The following ZNF277 variants were observed in gnomAD, a reference collection of about 807,000 sequenced individuals.
The protein encoded by ZNF277 is nuclear receptor-interacting factor 4.
A neutral mutation model predicts 60.7 loss-of-function variants in ZNF277; 55 were observed. That is an observed-to-expected ratio of 0.91 (90% CI 0.73 to 1.13). The LOEUF is 1.13. ZNF277 is among the 50% of genes most tolerant of loss of function. The pLI is 0.00. For synonymous variants in ZNF277, 178 were observed against 179.3 expected, an observed-to-expected ratio of 0.99 and a Z score of 0.06; for missense variants, 510 against 523.0, an observed-to-expected ratio of 0.98 and a Z score of 0.24.
intron 1 of ZNF277, among the ~76,000 whole-genome samples, chr7:112,272,691 A>G (rs1231949578): frequency 6.6e-6 from 1 of 152,018 alleles, no homozygotes; most frequent in Non-Finnish European, 1.5e-5. Context: ...ACGGGGTTTC[A>G]CCATGTTGGC....
At chr7:112,260,971 A>G (rs1791425552) in intron 1 of ZNF277, among the ~76,000 whole-genome samples, 2 of 152,224 alleles carry the variant, frequency 1.3e-5, no homozygotes, top group Admixed American at 1.3e-4. Context: ...AAAGCCAATC[A>G]CAGAAATGTG....
At chr7:112,226,705 C>T (rs1202636886) in intron 1 of ZNF277, among the ~76,000 whole-genome samples, 1 of 152,146 alleles carries the variant, frequency 6.6e-6, no homozygotes, top group Admixed American at 6.5e-5. Context: ...TCATTGACTT[C>T]AAGAATGTAG....
At chr7:112,290,876 G>A (rs574594622) in intron 2 of ZNF277, among the ~76,000 whole-genome samples, 1 of 152,242 alleles carries the variant, frequency 6.6e-6, no homozygotes, top group Admixed American at 6.5e-5. Context: ...GTGTAGGGTT[G>A]GGAGGAGGGA....
intron 4 of ZNF277, among the ~76,000 whole-genome samples, chr7:112,299,456 C>CT (rs1248661262): frequency 5.9e-5 from 9 of 152,140 alleles, no homozygotes; most frequent in African/African-American, 1.7e-4. Flanking sequence ...CTGAGAGGCA[C>CT]TTTCTCATCA....
chr7:112,316,222 T>C (rs1478279599), intron 4 of ZNF277, among the ~76,000 whole-genome samples: 1 of 152,080 alleles, frequency 6.6e-6, no homozygotes, highest in Non-Finnish European at 1.5e-5. Context: ...AGGTTAGATG[T>C]AGTTAGTAGA....
chr7:112,263,464 C>T (rs868097132), intron 1 of ZNF277, among the ~76,000 whole-genome samples: 1 of 152,190 alleles, frequency 6.6e-6, no homozygotes, highest in African/African-American at 2.4e-5. Context: ...AAATCAGAGA[C>T]TACATGTAAA....
rs753756411 is a variant in ZNF277 at position 112,342,786 on chromosome 7, C to T, written c.*57C>T. 46 of 1,331,596 alleles carry T rather than the reference C, an allele frequency of 3.5e-5. No individual in the cohort carries two copies. The highest frequency in any genetic ancestry group is 4.5e-5 in the Non-Finnish European group (45 of 1,008,872). The allele number at this position is 1,331,596 out of a possible 1,614,324, so 82.5% of individuals were successfully genotyped here. On this transcript the variant is annotated 3_prime_UTR_variant, in exon 12 of 12. Transcript: ENST00000361822. ...AGAAGCAATTTTTCATGTTTTTCTC[C>T]TATGAGACAGATATGAAAGAACAAT... is the stretch of plus-strand genomic sequence containing the variant.
At chr7:112,296,873 ATTTTCTTATTTTTAT>A (rs1417714614) in intron 4 of ZNF277, among the ~76,000 whole-genome samples, 1 of 99,602 alleles carries the variant, frequency 1.0e-5, no homozygotes, top group African/African-American at 3.3e-5. Context: ...ATTTTATTTT[ATTTTCTTATTTTTAT>A]TTTATTTATT....
intron 1 of ZNF277, among the ~76,000 whole-genome samples, chr7:112,275,680 A>G (rs1294375519): frequency 1.3e-5 from 2 of 152,132 alleles, no homozygotes; most frequent in Non-Finnish European, 2.9e-5. Flanking sequence ...TCTATCATGA[A>G]TTTATAATAT....
intron 10 of ZNF277, among the ~76,000 whole-genome samples, chr7:112,340,278 T>G (rs1200356001): frequency 6.6e-6 from 1 of 152,220 alleles, no homozygotes; most frequent in Non-Finnish European, 1.5e-5. Flanking sequence ...GAGTGAATAA[T>G]GTATGGTAAA....
rs1163435733 is a variant in ZNF277 at position 112,330,144 on chromosome 7, G to A, written c.729G>A (p.Met243Ile). 1 of 1,613,382 alleles carries A rather than the reference G, an allele frequency of 6.2e-7. No homozygotes were observed. Among genetic ancestry groups the A allele is most frequent in the Admixed American group, 1.7e-5 (1 of 60,006 alleles). ...ACAAAAATACACTTAAAGATCACAT[G>A]AGGAAAAAACAGCATCGTAAGATTA... ...FRDKNTLKDHMRKKQHRKINP... is the reference protein window; with the variant it reads ...FRDKNTLKDHIRKKQHRKINP... The change falls in exon 7 of 12, where the codon ATG becomes ATA. Residue 243 changes from methionine (M) to isoleucine (I), a missense_variant. By Grantham distance (10) the Met-to-Ile change is conservative (BLOSUM62 1). Coordinates refer to ENST00000361822, the MANE Select transcript of ZNF277 (RefSeq NM_021994.3).
At chr7:112,206,863 G>C in intron 1 of ZNF277, 56 bp downstream of exon 1, 1 of 1,553,978 alleles carries the variant, frequency 6.4e-7, no homozygotes, top group South Asian at 1.1e-5. Flanking sequence ...CTATGACCGG[G>C]TGTGCAACGG....
chr7:112,235,260 G>T (rs564234381), intron 1 of ZNF277, among the ~76,000 whole-genome samples: 6 of 152,174 alleles, frequency 3.9e-5, no homozygotes, highest in African/African-American at 9.6e-5. Flanking sequence ...GGGTGGACAT[G>T]TTTTCACTTC....
intron 1 of ZNF277, among the ~76,000 whole-genome samples, chr7:112,236,945 G>A (rs1234081894): frequency 2.0e-5 from 3 of 152,162 alleles, no homozygotes; most frequent in South Asian, 2.1e-4. Context: ...TCTCATCAGA[G>A]TATAGAACAT....
intron 1 of ZNF277, among the ~76,000 whole-genome samples, chr7:112,271,854 AT>A (rs1467839279): frequency 6.6e-6 from 1 of 152,032 alleles, no homozygotes; most frequent in Non-Finnish European, 1.5e-5. Flanking sequence ...TAAATGAGAT[AT>A]TTGGATACAC....
At chr7:112,306,720 T>C (rs1792605038) in intron 4 of ZNF277, among the ~76,000 whole-genome samples, 1 of 150,220 alleles carries the variant, frequency 6.7e-6, no homozygotes, top group African/African-American at 2.5e-5. Flanking sequence ...ACCTATCCTG[T>C]CTTTTAAAAG....
At chr7:112,270,823 C>G (rs1000803176) in intron 1 of ZNF277, among the ~76,000 whole-genome samples, 1 of 151,928 alleles carries the variant, frequency 6.6e-6, no homozygotes, top group Admixed American at 6.6e-5. Flanking sequence ...TTGATCATAT[C>G]AAGTTTTCAT....
intron 7 of ZNF277, among the ~76,000 whole-genome samples, chr7:112,332,293 GTTTAA>G (rs930478700): frequency 1.8e-4 from 28 of 152,222 alleles, no homozygotes; most frequent in East Asian, 1.5e-3. Context: ...ATATTAAATT[GTTTAA>G]TTTAAGTCAC....
intron 1 of ZNF277, among the ~76,000 whole-genome samples, chr7:112,264,527 A>C (rs983050874): frequency 1.3e-5 from 2 of 152,168 alleles, no homozygotes; most frequent in Non-Finnish European, 2.9e-5. Context: ...CAATGTTAGA[A>C]TACTGTGGTT....
Sources: allele counts gnomAD v4.1 joint callset (sites outside exome capture counted in the v4.1 genomes callset), GRCh38; gene constraint gnomAD v4.1.1; transcripts MANE v1.5; gene names NCBI Gene and HGNC (gene_info 2026-07-23, HGNC 2026-07-21).